SPATA13: variants seen among roughly 807,000 people sequenced by gnomAD.
SPATA13 encodes spermatogenesis associated 13.
SPATA13 carries 50 observed loss-of-function variants against 104.0 expected under a neutral mutation model. The ratio of observed to expected loss-of-function variants is 0.48; its 90% confidence interval spans 0.38 to 0.61. SPATA13 has a LOEUF of 0.61. Ranked by LOEUF, SPATA13 falls within the 20% of genes least tolerant of loss-of-function variation. SPATA13 has a pLI of 0.00. For missense variants in SPATA13, 1,524 were observed against 1,690.6 expected (o/e 0.90, Z 1.73); for synonymous variants, 606 against 667.5 (o/e 0.91, Z 1.42).
At chr13:24,217,565 G>A (rs975767021) in intron 1 of SPATA13, among the ~76,000 whole-genome samples, 7 of 152,242 alleles carry the variant, frequency 4.6e-5, no homozygotes, top group Non-Finnish European at 1.5e-5. Context: ...GGAGAAGGCA[G>A]ACAAGGAAAG....
At chr13:24,047,454 G>A (rs1878190734) in intron 3 of SPATA13, among the ~76,000 whole-genome samples, 1 of 152,220 alleles carries the variant, frequency 6.6e-6, no homozygotes, top group Non-Finnish European at 1.5e-5. Flanking sequence ...CAAGGAGGGA[G>A]TTAGTTTCAG....
At chr13:24,209,386 G>T (rs1870890407) in intron 1 of SPATA13, among the ~76,000 whole-genome samples, 1 of 152,166 alleles carries the variant, frequency 6.6e-6, no homozygotes, top group Non-Finnish European at 1.5e-5. Context: ...TGGGGTAAGG[G>T]AATTAAGAGA....
At chr13:24,021,825 C>G (rs1471667591) in intron 3 of SPATA13, among the ~76,000 whole-genome samples, 2 of 151,762 alleles carry the variant, frequency 1.3e-5, no homozygotes, top group African/African-American at 2.4e-5. Flanking sequence ...CATTCTCCTG[C>G]CTCAGCCTCC....
At chr13:23,993,300 G>C (rs1324628806) in intron 2 of SPATA13, among the ~76,000 whole-genome samples, 1 of 152,220 alleles carries the variant, frequency 6.6e-6, no homozygotes, top group Non-Finnish European at 1.5e-5. Context: ...GCTTTCAACT[G>C]TTTCTTTTCC....
At position 24,223,065 on chromosome 13, in the gene SPATA13, G is replaced by C; in HGVS notation, c.136G>C (p.Ala46Pro). The C allele has an allele frequency of 6.4e-7, 1 of 1,551,752 alleles. No homozygotes were observed. The highest frequency in any genetic ancestry group is 8.7e-7 in the Non-Finnish European group (1 of 1,147,010). ...AGACGCCAAGATGGTGACCTCCCTTGCGTGTGGAAATGGAGTCTGTGGCTG... is the reference window on the plus strand; with the variant it reads ...AGACGCCAAGATGGTGACCTCCCTTCCGTGTGGAAATGGAGTCTGTGGCTG... ...LKDAKMVTSL[A>P]CGNGVCGCSP... is the part of the protein sequence containing the mutation. The change falls in exon 2 of 13, where the codon GCG becomes CCG. Residue 46 changes from alanine (A) to proline (P), a missense_variant. Transcript: ENST00000382108.
At chr13:24,285,249 A>G (rs1424881905) in intron 5 of SPATA13, among the ~76,000 whole-genome samples, 4 of 152,226 alleles carry the variant, frequency 2.6e-5, no homozygotes, top group South Asian at 2.1e-4. Context: ...GTTCTCTTCA[A>G]TTGCTGTAAA....
intron 3 of SPATA13, among the ~76,000 whole-genome samples, chr13:24,125,778 G>T (rs1473250966): frequency 6.6e-6 from 1 of 152,174 alleles, no homozygotes; most frequent in Admixed American, 6.5e-5. Flanking sequence ...GAGCAAAAAG[G>T]AACCAGGAGG....
At chr13:24,191,308 C>G (rs116006132) in intron 1 of SPATA13, among the ~76,000 whole-genome samples, 1,593 of 151,842 alleles carry the variant, frequency 0.01, 37 homozygotes, top group African/African-American at 0.036. Context: ...ACATTTTTTT[C>G]AAACATAATG....
chr13:23,993,985 T>C (rs866471953), intron 2 of SPATA13, among the ~76,000 whole-genome samples: 76 of 79,798 alleles, frequency 9.5e-4, no homozygotes, highest in East Asian at 3.3e-3. Context: ...TTTTTTTTTT[T>C]CTTTTTTTTT....
chr13:24,190,318 A>ACC (rs1869626537), intron 1 of SPATA13, among the ~76,000 whole-genome samples: 2 of 8,716 alleles, frequency 2.3e-4, no homozygotes, highest in African/African-American at 2.6e-4. Context: ...TATAATATAT[A>ACC]ATATTATATA....
intron 11 of SPATA13, among the ~76,000 whole-genome samples, chr13:24,299,200 A>G (rs9580925): frequency 0.39 from 58,926 of 152,062 alleles, 11,918 homozygotes; most frequent in East Asian, 0.59. Context: ...TTGGATTCCC[A>G]AAGACGGCAC....
intron 2 of SPATA13, among the ~76,000 whole-genome samples, chr13:23,999,691 A>C (rs2765174): frequency 6.6e-6 from 1 of 151,788 alleles, no homozygotes; most frequent in East Asian, 1.9e-4. Flanking sequence ...TGCCTCTCAG[A>C]GATTACTCTC....
intron 3 of SPATA13, chr13:24,122,304 C>A: frequency 7.1e-7 from 1 of 1,398,720 alleles, no homozygotes; most frequent in South Asian, 1.2e-5. Flanking sequence ...TGAAACTATT[C>A]AAACTATCGA....
chr13:24,031,970 A>G (rs1287834523), intron 3 of SPATA13, among the ~76,000 whole-genome samples: 2 of 152,198 alleles, frequency 1.3e-5, no homozygotes, highest in Non-Finnish European at 2.9e-5. Flanking sequence ...AGTTCTGACA[A>G]TGATTCTTTT....
chr13:24,297,865 G>A, intron 11 of SPATA13, 130 bp downstream of exon 11: 1 of 1,148,024 alleles, frequency 8.7e-7, no homozygotes, highest in Non-Finnish European at 1.2e-6. Context: ...GAAAGGACAA[G>A]GGATCTGCAA....
At chr13:24,210,732 C>A (rs1870964443) in intron 1 of SPATA13, among the ~76,000 whole-genome samples, 1 of 131,174 alleles carries the variant, frequency 7.6e-6, no homozygotes, top group Non-Finnish European at 1.6e-5. Flanking sequence ...CTTTGTCCGT[C>A]TGGAATCTTT....
chr13:24,147,667 G>A (rs568672593), intron 3 of SPATA13, among the ~76,000 whole-genome samples: 25 of 152,054 alleles, frequency 1.6e-4, no homozygotes, highest in South Asian at 6.2e-4. Context: ...AGTCTATTAA[G>A]TACATTTATA....
At chr13:24,042,814 T>G (rs1261718363) in intron 3 of SPATA13, among the ~76,000 whole-genome samples, 1 of 152,222 alleles carries the variant, frequency 6.6e-6, no homozygotes, top group Non-Finnish European at 1.5e-5. Context: ...CTCTCCCAGT[T>G]CATTCTAACA....
chr13:24,013,412 C>T (rs1446621558), intron 2 of SPATA13, among the ~76,000 whole-genome samples: 1 of 152,162 alleles, frequency 6.6e-6, no homozygotes, highest in African/African-American at 2.4e-5. Context: ...CTCTGGGGCC[C>T]ATGGGCAGCC....
Sources: gnomAD v4.1 joint callset for allele counts (sites outside exome capture counted in the v4.1 genomes callset) on GRCh38, gnomAD v4.1.1 for gene constraint, MANE v1.5 for transcripts, NCBI Gene and HGNC (gene_info 2026-07-23, HGNC 2026-07-21) for gene names.